Variants in ASXL1 observed in about 807,000 individuals in gnomAD.
ASXL1 encodes polycomb group protein ASXL1.
Under a neutral mutation model 89.1 loss-of-function variants are expected in ASXL1, and 65 were observed. That is an observed-to-expected ratio of 0.73 (90% CI 0.60 to 0.90). ASXL1 has a LOEUF of 0.90. Ranked by LOEUF, ASXL1 falls within the 40% of genes least tolerant of loss-of-function variation. The pLI, the probability that ASXL1 is intolerant of heterozygous loss-of-function variation, is 0.00. For synonymous variants in ASXL1, 739 were observed against 746.9 expected (o/e 0.99, Z 0.17); for missense variants, 1,786 against 1,942.9 (o/e 0.92, Z 1.52).
At chr20:32,394,718 ATT>A (rs1001366046) in intron 4 of ASXL1, among the ~76,000 whole-genome samples, 5 of 146,922 alleles carry the variant, frequency 3.4e-5, no homozygotes, top group African/African-American at 1.2e-4. Context: ...TTTTAAAACA[ATT>A]TTTTTTTTTT....
At chr20:32,410,098 G>A (rs1474307014) in intron 4 of ASXL1, among the ~76,000 whole-genome samples, 1 of 152,060 alleles carries the variant, frequency 6.6e-6, no homozygotes, top group African/African-American at 2.4e-5. Context: ...TTCTGATAAC[G>A]ATAACTTCAA....
intron 4 of ASXL1, among the ~76,000 whole-genome samples, chr20:32,386,076 A>G (rs543660452): frequency 1.2e-4 from 18 of 152,308 alleles, no homozygotes; most frequent in South Asian, 1.0e-3. Flanking sequence ...TCACAAGTTT[A>G]TAATTATTTG....
intron 4 of ASXL1, among the ~76,000 whole-genome samples, chr20:32,414,617 T>C (rs995701421): frequency 1.3e-5 from 2 of 152,238 alleles, no homozygotes; most frequent in African/African-American, 2.4e-5. Context: ...TATTTATCTT[T>C]GTTTCCTTTC....
intron 4 of ASXL1, among the ~76,000 whole-genome samples, chr20:32,395,147 A>ATT (rs1433570805): frequency 6.6e-6 from 1 of 152,068 alleles, no homozygotes; most frequent in African/African-American, 2.4e-5. Context: ...GTCAGTTCAG[A>ATT]TTTTCTTTCT....
chr20:32,429,272 G>T lies in ASXL1; in HGVS notation c.472-66G>T. 1 of 1,481,078 alleles carries T rather than the reference G, an allele frequency of 6.8e-7. No homozygotes were observed. Among genetic ancestry groups the T allele is most frequent in the Non-Finnish European group, 9.4e-7 (1 of 1,069,094 alleles). 91.7% of individuals were successfully genotyped at this position (1,481,078 alleles called of 1,614,324 possible). ...CAAGAGCGTGAGTAGAGATAGTGTC[G>T]CCAGGGAATGCTTTTGTGGCTCTGC... On this transcript the variant is annotated intron_variant, in intron 6 of 12. Coordinates refer to ENST00000375687, the MANE Select transcript of ASXL1 (RefSeq NM_015338.6). The surrounding 1 kb of genome is among the most constrained non-coding windows in gnomAD (Gnocchi z 4.9).
intron 4 of ASXL1, among the ~76,000 whole-genome samples, chr20:32,422,175 G>A (rs373419045): frequency 1.6e-4 from 24 of 151,150 alleles, no homozygotes; most frequent in Admixed American, 2.6e-4. Context: ...CACCGCGCCC[G>A]GCCGAGAGGG....
chr20:32,384,795 G>A (rs1197758845), intron 4 of ASXL1, among the ~76,000 whole-genome samples: 4 of 152,140 alleles, frequency 2.6e-5, no homozygotes, highest in East Asian at 1.9e-4. Flanking sequence ...GCACTGGGAC[G>A]ATTTTGTGGT....
At position 32,389,890 on chromosome 20, in the gene ASXL1, AAGTAT is replaced by A. The variant is rs1250694844; in HGVS notation, c.252+20769_252+20773del. Among the ~76,000 whole-genome samples, 3 of 152,320 alleles carry A rather than the reference AAGTAT, an allele frequency of 2.0e-5. No individual in the cohort carries two copies. In the East Asian group the frequency reaches 5.8e-4, roughly 29 times the overall value. On this transcript the variant is annotated intron_variant, in intron 4 of 12. Transcript: ENST00000375687. Reference sequence around the variant, plus strand: ...GCCAAATTCACCCTTTTTAGTGTACAAGTATACAGCTTTGTGAGAGTTTGATTTCT... The same window carrying A: ...GCCAAATTCACCCTTTTTAGTGTACAACAGCTTTGTGAGAGTTTGATTTCT...
At chr20:32,407,580 C>T (rs1329466577) in intron 4 of ASXL1, among the ~76,000 whole-genome samples, 2 of 152,186 alleles carry the variant, frequency 1.3e-5, no homozygotes, top group Non-Finnish European at 2.9e-5. Flanking sequence ...CCTCCCACCT[C>T]AGTCTCTTGA....
chr20:32,372,335 A>G, intron 4 of ASXL1: 1 of 1,181,524 alleles, frequency 8.5e-7, no homozygotes, highest in Non-Finnish European at 1.1e-6. Context: ...CTTTGGCTTT[A>G]TGTTGCTTAT....
At chr20:32,367,523 A>G (rs966901329) in intron 2 of ASXL1, among the ~76,000 whole-genome samples, 4 of 152,246 alleles carry the variant, frequency 2.6e-5, no homozygotes, top group Non-Finnish European at 5.9e-5. Flanking sequence ...TTTAGGGTCA[A>G]AAGGCCTTCA....
In ASXL1 at chr20:32,433,741, G is replaced by A. The variant is rs370749247; in HGVS notation, c.1543G>A (p.Val515Met). Residue 515 changes from valine (V) to methionine (M), a missense_variant, in exon 12 of 13, where the codon GTG becomes ATG. Val to Met is a conservative substitution (Grantham distance 21). This residue lies in a region of ASXL1 where 1,418 missense variants were observed against 1,427.8 expected (regional missense o/e 0.99). Transcript: ENST00000375687. ...AATTCCTAGCCTGCCTCAGGAAACT[G>A]TGGATCAGGAACCCAAGGATCAGAA... ...DRIPSLPQET[V>M]DQEPKDQKRK... The A allele has an allele frequency of 2.4e-5, 38 of 1,613,856 alleles. No homozygotes were observed. Among genetic ancestry groups the A allele is most frequent in the Admixed American group, 1.5e-4 (9 of 59,988 alleles).
chr20:32,359,681 G>A (rs568884519), intron 1 of ASXL1: 1 of 717,854 alleles, frequency 1.4e-6, no homozygotes, highest in East Asian at 2.7e-5. Flanking sequence ...GTTGGGAGAC[G>A]TTGTTCACTG....
chr20:32,369,003 G>A lies in ASXL1; in HGVS notation c.144-12G>A, dbSNP rs752739263. The A allele has an allele frequency of 3.1e-6, 5 of 1,595,546 alleles. No homozygotes were observed. The highest frequency in any genetic ancestry group is 3.4e-6 in the Non-Finnish European group (4 of 1,163,138). Reference sequence around the variant, plus strand: ...TTGTATAACCCTCATCCATTCTTTTGTGGTTTTACAGTGGGACTTCCCCTC... The same window carrying A: ...TTGTATAACCCTCATCCATTCTTTTATGGTTTTACAGTGGGACTTCCCCTC... On this transcript the variant is annotated splice_polypyrimidine_tract_variant and intron_variant, in intron 3 of 12. Coordinates refer to ENST00000375687, the MANE Select transcript of ASXL1 (RefSeq NM_015338.6).
chr20:32,365,598 G>A lies in ASXL1; in HGVS notation c.58-786G>A, dbSNP rs6058664. Among the ~76,000 whole-genome samples the A allele has an allele frequency of 7.1e-3, 1,074 of 152,290 alleles. 14 individuals carry two copies. The highest frequency in any genetic ancestry group is 0.024 in the African/African-American group (984 of 41,554). On this transcript the variant is annotated intron_variant, in intron 1 of 12. Coordinates refer to ENST00000375687, the MANE Select transcript of ASXL1 (RefSeq NM_015338.6). ...TAGACAAAGTACAAAGATATTGACA[G>A]CTTTTTTCTTCCTTTAGAAGAATAA...
At chr20:32,386,811 C>T (rs571709564) in intron 4 of ASXL1, among the ~76,000 whole-genome samples, 7 of 141,930 alleles carry the variant, frequency 4.9e-5, no homozygotes, top group Non-Finnish European at 6.1e-5. Flanking sequence ...TTTTTGCTAC[C>T]TCTCCCCGAA....
At chr20:32,372,171 C>A in intron 4 of ASXL1, 1 of 1,351,814 alleles carries the variant, frequency 7.4e-7, no homozygotes, top group African/African-American at 1.5e-5. Flanking sequence ...CAGGTGTGAG[C>A]CACTGCACCA....
chr20:32,361,737 T>C (rs1044605519), intron 1 of ASXL1, among the ~76,000 whole-genome samples: 1 of 151,872 alleles, frequency 6.6e-6, no homozygotes, highest in African/African-American at 2.4e-5. Flanking sequence ...TCCATTTCTT[T>C]GAATGGGACT....
rs62206922 is a variant in ASXL1 at position 32,391,831 on chromosome 20, T to C, written c.252+22708T>C. ...GTAAAATTTCTGCTCTTCCTGGCAA[T>C]ACTTTTTTCTGAAATTTACTTTGAT... On this transcript the variant is annotated intron_variant, in intron 4 of 12. Transcript: ENST00000375687. 7.2e-3 allele frequency among the ~76,000 whole-genome samples: 1,092 copies of C among 152,320 alleles called. 4 individuals are homozygous for C. The highest frequency in any genetic ancestry group is 0.02 in the Middle Eastern group (6 of 294).
Sources: gnomAD v4.1 joint callset for allele counts (sites outside exome capture counted in the v4.1 genomes callset) on GRCh38, gnomAD v4.1.1 for gene constraint, gnomAD v4.1.1 regional missense constraint, Gnocchi (gnomAD v3.1) non-coding constraint, MANE v1.5 for transcripts, NCBI Gene and HGNC (gene_info 2026-07-23, HGNC 2026-07-21) for gene names.